The following HACD4 variants were observed in gnomAD, a reference collection of about 807,000 sequenced individuals.
The protein encoded by HACD4 is 3-hydroxyacyl-CoA dehydratase 4.
A neutral mutation model predicts 33.3 loss-of-function variants in HACD4; 35 were observed. The observed-to-expected ratio is 1.05, with a 90% CI of 0.80 to 1.39. The LOEUF (loss-of-function observed/expected upper bound fraction) is 1.39, where lower values mean the gene tolerates loss of function less well. HACD4 is among the 40% of genes most tolerant of loss of function. HACD4 has a pLI of 0.00. For synonymous variants in HACD4, 118 were observed against 98.0 expected (o/e 1.20, Z -1.21); for missense variants, 323 against 276.5 (o/e 1.17, Z -1.19).
At chr9:21,009,093 A>G (rs1161856240) in intron 5 of HACD4, among the ~76,000 whole-genome samples, 2 of 152,184 alleles carry the variant, frequency 1.3e-5, no homozygotes, top group Non-Finnish European at 2.9e-5. Context: ...TTATTTACAT[A>G]AGCTTTGTTT....
intron 1 of HACD4, among the ~76,000 whole-genome samples, chr9:21,030,121 C>T (rs755376749): frequency 4.6e-5 from 7 of 151,972 alleles, no homozygotes; most frequent in African/African-American, 1.7e-4. Flanking sequence ...GAAACCACTG[C>T]GAAGGTGGCT....
intron 5 of HACD4, among the ~76,000 whole-genome samples, chr9:21,009,550 T>C (rs1174823111): frequency 6.6e-6 from 1 of 152,196 alleles, no homozygotes; most frequent in Non-Finnish European, 1.5e-5. Context: ...TTGATTAAGT[T>C]TTAATTGGCA....
Position 21,001,589 on chromosome 9 carries a change from G to C in HACD4, c.*5448C>G, listed in dbSNP as rs1185823648. On this transcript the variant is annotated 3_prime_UTR_variant, in exon 7 of 7. Coordinates refer to ENST00000495827, the MANE Select transcript of HACD4 (RefSeq NM_001010915.5). ...CAAGAGATCCACACAACTATCAAAAGCCAAAGACAGAAAGAGAATCTTGAA... is the reference window on the plus strand; with the variant it reads ...CAAGAGATCCACACAACTATCAAAACCCAAAGACAGAAAGAGAATCTTGAA... 4 of 152,042 alleles carry C rather than the reference G, an allele frequency of 2.6e-5. No homozygotes were observed. The highest frequency in any genetic ancestry group is 9.7e-5 in the African/African-American group (4 of 41,434). 9.4% of individuals were successfully genotyped at this position (152,042 alleles called of 1,614,324 possible). A position where few individuals can be genotyped will look rare whatever the true frequency, so the allele number is the denominator to read the frequency against.
At chr9:21,014,828 C>G (rs1269910077) in intron 4 of HACD4, among the ~76,000 whole-genome samples, 1 of 152,188 alleles carries the variant, frequency 6.6e-6, no homozygotes. Context: ...CCTCTATGTC[C>G]AAAAATCTTC....
intron 5 of HACD4, among the ~76,000 whole-genome samples, chr9:21,009,179 T>C (rs1408211835): frequency 1.3e-5 from 2 of 152,166 alleles, no homozygotes; most frequent in Non-Finnish European, 2.9e-5. Context: ...GTTTAGTAGG[T>C]TTATTTAACT....
At chr9:21,023,731 C>T (rs1029387983) in intron 3 of HACD4, among the ~76,000 whole-genome samples, 1 of 152,090 alleles carries the variant, frequency 6.6e-6, no homozygotes. Flanking sequence ...CGCGCCACCA[C>T]GTCCAGCTAA....
In HACD4 at chr9:21,005,149, T is replaced by C. The variant is rs1288431856; in HGVS notation, c.*1888A>G. On this transcript the variant is annotated 3_prime_UTR_variant, in exon 7 of 7. Transcript: ENST00000495827. This position sits in a 1 kb window ranked among gnomAD's most constrained non-coding sequence, Gnocchi z 4.0. ...AACTTGGATGATTGTGTTCATGTTC[T>C]AGTGTTTTGTGGAAAGTAAAATTGT... is the stretch of plus-strand genomic sequence containing the variant. The C allele has an allele frequency of 6.6e-6, 1 of 152,224 alleles. No individual in the cohort carries two copies. The highest frequency in any genetic ancestry group is 1.5e-5 in the Non-Finnish European group (1 of 68,042). The allele number at this position is 152,224 out of a possible 1,614,324, so 9.4% of individuals were successfully genotyped here. A position where few individuals can be genotyped will look rare whatever the true frequency, so the allele number is the denominator to read the frequency against.
intron 3 of HACD4, among the ~76,000 whole-genome samples, chr9:21,026,084 C>G (rs1272569963): frequency 6.6e-6 from 1 of 152,142 alleles, no homozygotes; most frequent in African/African-American, 2.4e-5. Context: ...AGGGAATGAG[C>G]AAGAAATGGC....
rs1587819148 is a variant in HACD4, at chr9:21,001,389, CAATAGAAAAA to C, written c.*5638_*5647del. 1 of 151,564 alleles carries C rather than the reference CAATAGAAAAA, an allele frequency of 6.6e-6. No individual in the cohort carries two copies. The highest frequency in any genetic ancestry group is 1.5e-5 in the Non-Finnish European group (1 of 67,872). The allele number at this position is 151,564 out of a possible 1,614,324, so 9.4% of individuals were successfully genotyped here. A position where few individuals can be genotyped will look rare whatever the true frequency, so the allele number is the denominator to read the frequency against. ...GGACAATGGAAATTATTAGTCTGAG[CAATAGAAAAA>C]AATTGGAAAAAAGTGAACAGGGTAT... On this transcript the variant is annotated 3_prime_UTR_variant, in exon 7 of 7. Transcript: ENST00000495827.
At chr9:21,025,752 G>A (rs1818045582) in intron 3 of HACD4, among the ~76,000 whole-genome samples, 1 of 152,110 alleles carries the variant, frequency 6.6e-6, no homozygotes, top group Admixed American at 6.5e-5. Context: ...CAAAGAACAT[G>A]GTAATCTAGG....
In HACD4 at chr9:21,026,690, A is replaced by T; in HGVS notation, c.176T>A (p.Leu59His). Reference sequence around the variant, plus strand: ...TACGGATTGGCAAAGTCGCATCACAAGTCCAATAGCATAAAAAGTGTCAAC... The same window carrying T: ...TACGGATTGGCAAAGTCGCATCACATGTCCAATAGCATAAAAAGTGTCAAC... ...SMVDTFYAIG[L>H]VMRLCQSVSL... Residue 59 changes from leucine to histidine, a missense_variant, in exon 3 of 7, where the codon CTT (leucine) becomes CAT (histidine). Physicochemically the swap from Leu to His is moderately conservative, Grantham distance 99. Transcript: ENST00000495827. The T allele has an allele frequency of 6.2e-7, 1 of 1,613,518 alleles. No individual in the cohort carries two copies.
intron 5 of HACD4, among the ~76,000 whole-genome samples, chr9:21,010,255 A>G (rs1842379926): frequency 6.6e-6 from 1 of 152,190 alleles, no homozygotes. Flanking sequence ...AATCCATTGC[A>G]GAAGAAAGCA....
At chr9:21,008,473 T>C (rs1842328544) in intron 5 of HACD4, among the ~76,000 whole-genome samples, 1 of 152,162 alleles carries the variant, frequency 6.6e-6, no homozygotes, top group African/African-American at 2.4e-5. Flanking sequence ...GAGATGAACT[T>C]GGAAAATGGT....
chr9:21,019,590 A>G (rs1817851894), intron 3 of HACD4, among the ~76,000 whole-genome samples: 1 of 152,122 alleles, frequency 6.6e-6, no homozygotes, highest in African/African-American at 2.4e-5. Context: ...CTATGTAGAT[A>G]ATGACTGTGA....
chr9:21,026,127 A>G (rs1454600958), intron 3 of HACD4, among the ~76,000 whole-genome samples: 1 of 152,212 alleles, frequency 6.6e-6, no homozygotes, highest in Non-Finnish European at 1.5e-5. Flanking sequence ...ATGTAGATGA[A>G]GGAAGCCTTT....
chr9:21,021,379 G>C (rs1273276114), intron 3 of HACD4, among the ~76,000 whole-genome samples: 2 of 152,086 alleles, frequency 1.3e-5, no homozygotes, highest in African/African-American at 4.8e-5. Flanking sequence ...TTCTGGCCAG[G>C]GCAATCAGGC....
chr9:21,025,884 C>A (rs1423043132), intron 3 of HACD4, among the ~76,000 whole-genome samples: 2 of 152,156 alleles, frequency 1.3e-5, no homozygotes, highest in Non-Finnish European at 2.9e-5. Flanking sequence ...TCATAAGATA[C>A]ATGTTATTTT....
intron 3 of HACD4, among the ~76,000 whole-genome samples, chr9:21,020,602 G>A (rs1205802017): frequency 6.6e-6 from 1 of 152,136 alleles, no homozygotes; most frequent in African/African-American, 2.4e-5. Flanking sequence ...AGCTAATAAA[G>A]TTTGCAAGCT....
At chr9:21,013,824 T>C (rs1368271548) in intron 4 of HACD4, among the ~76,000 whole-genome samples, 1 of 152,230 alleles carries the variant, frequency 6.6e-6, no homozygotes, top group Non-Finnish European at 1.5e-5. Flanking sequence ...AATAATTCAT[T>C]TTTACATATT....
Sources: gnomAD v4.1 joint callset for allele counts (sites outside exome capture counted in the v4.1 genomes callset) on GRCh38, gnomAD v4.1.1 for gene constraint, Gnocchi (gnomAD v3.1) non-coding constraint, MANE v1.5 for transcripts, NCBI Gene and HGNC (gene_info 2026-07-23, HGNC 2026-07-21) for gene names.